PCDHGA7: variants seen among roughly 807,000 people sequenced by gnomAD.
PCDHGA7 encodes protocadherin gamma subfamily A, 7.
PCDHGA7 carries 44 observed loss-of-function variants against 58.3 expected under a neutral mutation model. That is an observed-to-expected ratio of 0.75 (90% confidence interval 0.59 to 0.97). The LOEUF is 0.97. Ranked by LOEUF, PCDHGA7 falls within the 50% of genes least tolerant of loss-of-function variation. The probability of loss-of-function intolerance (pLI) is 0.00; values close to 1 mark genes in which losing one functional copy is unlikely to be tolerated. For missense variants in PCDHGA7, 1,266 were observed against 1,188.7 expected (o/e 1.06, Z -0.96); for synonymous variants, 516 against 504.2 (o/e 1.02, Z -0.31).
rs1255326344 is a variant in PCDHGA7, at chr5:141,431,636, A to G, written c.2424+46313A>G. 6.2e-7 allele frequency: 1 copy of G among 1,614,254 alleles called. No homozygotes were observed. ...GGACGACAAGGCGGCCCAAGTTTTC[A>G]AACTAGATTGTAATTCAGGGACAAT... On this transcript the variant is annotated intron_variant, in intron 1 of 3. Transcript: ENST00000518325. This position sits in a 1 kb window ranked among gnomAD's most constrained non-coding sequence, Gnocchi z 4.8.
chr5:141,418,807 G>A (rs1400599346), intron 1 of PCDHGA7: 2 of 1,613,650 alleles, frequency 1.2e-6, no homozygotes, highest in African/African-American at 1.3e-5. Context: ...AAAGATATAC[G>A]ATAAACATAG....
chr5:141,476,554 G>A lies in PCDHGA7; in HGVS notation c.2425-18253G>A. On this transcript the variant is annotated intron_variant, in intron 1 of 3. Transcript: ENST00000518325. This position sits in a 1 kb window ranked among gnomAD's most constrained non-coding sequence, Gnocchi z 7.6. The stretch of plus-strand genomic sequence containing the variant: ...AGGAAATGAAATTGGAGATTAGCGA[G>A]GCCGTGGCTCCGGGGACGCGCTTTC... 1 of 1,614,232 alleles carries A rather than the reference G, an allele frequency of 6.2e-7. No individual in the cohort carries two copies. Among genetic ancestry groups the A allele is most frequent in the Non-Finnish European group, 8.5e-7 (1 of 1,180,036 alleles).
At chr5:141,478,042 G>A (rs1358652557) in intron 1 of PCDHGA7, 18 of 1,614,152 alleles carry the variant, frequency 1.1e-5, no homozygotes, top group Non-Finnish European at 1.5e-5. Flanking sequence ...CACCCAGGCA[G>A]ACTCTCACGG....
chr5:141,408,404 G>C lies in PCDHGA7; in HGVS notation c.2424+23081G>C, dbSNP rs372659902. ...GGATGTGTCGGCTCGCAAGCTGCGAGTGAGCGCGGAGAAGCTGCACTTCAG... is the reference window on the plus strand; with the variant it reads ...GGATGTGTCGGCTCGCAAGCTGCGACTGAGCGCGGAGAAGCTGCACTTCAG... On this transcript the variant is annotated intron_variant, in intron 1 of 3. Transcript: ENST00000518325. 6.2e-4 allele frequency: 1,002 copies of C among 1,614,072 alleles called. 1 individual carries two copies. The highest frequency in any genetic ancestry group is 8.3e-4 in the Non-Finnish European group (980 of 1,179,896).
At chr5:141,444,188 T>TTTTTTTTTTG (rs2098424052) in intron 1 of PCDHGA7, among the ~76,000 whole-genome samples, 1 of 129,374 alleles carries the variant, frequency 7.7e-6, no homozygotes, top group African/African-American at 3.1e-5. Flanking sequence ...TTTTTTTTTT[T>TTTTTTTTTTG]GAGATGGAGT....
chr5:141,409,282 A>G (rs769745022), intron 1 of PCDHGA7: 1 of 1,613,958 alleles, frequency 6.2e-7, no homozygotes, highest in East Asian at 2.2e-5. Context: ...TGGAGAATTC[A>G]CCTCCAGGAA....
chr5:141,433,164 A>G, intron 1 of PCDHGA7: 3 of 1,613,600 alleles, frequency 1.9e-6, no homozygotes, highest in Non-Finnish European at 2.5e-6. Context: ...TTTTCTAAAG[A>G]CAGTCATGGG....
At position 141,486,209 on chromosome 5, in the gene PCDHGA7, A is replaced by G. The variant is rs749965379; in HGVS notation, c.2425-8598A>G. 1.2e-6 allele frequency: 2 copies of G among 1,614,080 alleles called. No homozygotes were observed. The highest frequency in any genetic ancestry group is 1.7e-6 in the Non-Finnish European group (2 of 1,179,988). ...AGTGGATCTGCTGGACGTAAATGAC[A>G]ATGCCCCTTACATCACAGTGACCTC... On this transcript the variant is annotated intron_variant, in intron 1 of 3. Transcript: ENST00000518325. The surrounding 1 kb of genome is among the most constrained non-coding windows in gnomAD (Gnocchi z 5.0).
chr5:141,418,663 C>T, intron 1 of PCDHGA7: 1 of 1,613,960 alleles, frequency 6.2e-7, no homozygotes, highest in South Asian at 1.1e-5. Flanking sequence ...AGGCCACTGA[C>T]CAGGACGAGG....
intron 1 of PCDHGA7, chr5:141,415,740 G>GTTTTGTTTTT (rs2095911163): frequency 1.9e-6 from 1 of 515,998 alleles, no homozygotes; most frequent in African/African-American, 2.8e-5. Context: ...GTTTATTAAG[G>GTTTTGTTTTT]TTTTTTTTTT....
intron 1 of PCDHGA7, chr5:141,389,725 TC>T (rs756659208): frequency 1.2e-6 from 2 of 1,612,726 alleles, no homozygotes; most frequent in East Asian, 4.5e-5. Flanking sequence ...GAGCCCGGGC[TC>T]TTCAGCCTGG....
intron 1 of PCDHGA7, chr5:141,420,079 C>T (rs1362049053): frequency 6.2e-7 from 1 of 1,613,998 alleles, no homozygotes; most frequent in Non-Finnish European, 8.5e-7. Flanking sequence ...CTGTGGGTCC[C>T]CCCAACTACA....
intron 1 of PCDHGA7, chr5:141,417,768 C>T: frequency 6.9e-7 from 1 of 1,451,358 alleles, no homozygotes; most frequent in Non-Finnish European, 9.1e-7. Context: ...ACCCGGGACT[C>T]CTCCTGTCCT....
rs765972156 is a variant in PCDHGA7, at chr5:141,432,960, G to A, written c.2424+47637G>A. 3.1e-6 allele frequency: 5 copies of A among 1,614,070 alleles called. No individual in the cohort carries two copies. The East Asian group carries it at 6.7e-5, about 22-fold the overall frequency. On this transcript the variant is annotated intron_variant, in intron 1 of 3. Transcript: ENST00000518325. This position sits in a 1 kb window ranked among gnomAD's most constrained non-coding sequence, Gnocchi z 6.0. ...CAGGCTTCAGGAGGCGGCTTGACAG[G>A]AGCGCCGGCGTCGCACTTTGTGGGC...
intron 1 of PCDHGA7, chr5:141,399,141 C>G: frequency 6.2e-7 from 1 of 1,613,778 alleles, no homozygotes; most frequent in Non-Finnish European, 8.5e-7. Flanking sequence ...ATGAAAATGA[C>G]AATAGCCCAG....
At chr5:141,488,189 T>G (rs574621860) in intron 1 of PCDHGA7, among the ~76,000 whole-genome samples, 2 of 152,316 alleles carry the variant, frequency 1.3e-5, no homozygotes, top group Non-Finnish European at 2.9e-5. Context: ...TCTTTTGGTC[T>G]GGGTCTTAGG....
At chr5:141,418,933 G>A in intron 1 of PCDHGA7, 2 of 1,614,010 alleles carry the variant, frequency 1.2e-6, no homozygotes, top group Non-Finnish European at 1.7e-6. Flanking sequence ...AGATTATGGA[G>A]GATTCCCCTC....
Position 141,406,431 on chromosome 5 carries a change from T to A in PCDHGA7, c.2424+21108T>A, listed in dbSNP as rs1316370664. 2.0e-5 allele frequency among the ~76,000 whole-genome samples: 3 copies of A among 152,352 alleles called. No individual in the cohort carries two copies. In the South Asian group the frequency reaches 6.2e-4, roughly 32 times the overall value. ...CAGCTGAAAGCCCAGATTTATTGCT[T>A]CTATTCTTCCATTTCTATGACAGGA... On this transcript the variant is annotated intron_variant, in intron 1 of 3. Coordinates refer to ENST00000518325, the MANE Select transcript of PCDHGA7 (RefSeq NM_018920.4).
chr5:141,393,170 A>G (rs746908655), intron 1 of PCDHGA7: 1 of 1,613,286 alleles, frequency 6.2e-7, no homozygotes, highest in South Asian at 1.1e-5. Context: ...TCTTTGGGGT[A>G]GAAATAGAAA....
Sources: gnomAD v4.1 joint callset for allele counts (sites outside exome capture counted in the v4.1 genomes callset) on GRCh38, gnomAD v4.1.1 for gene constraint, Gnocchi (gnomAD v3.1) non-coding constraint, MANE v1.5 for transcripts, NCBI Gene and HGNC (gene_info 2026-07-23, HGNC 2026-07-21) for gene names.